Variants in SLC12A6 observed in about 807,000 individuals in gnomAD.
SLC12A6 encodes the protein solute carrier family 12 member 6.
Under a neutral mutation model 135.3 loss-of-function variants are expected in SLC12A6, and 66 were observed. The observed-to-expected ratio is 0.49, with a 90% CI of 0.40 to 0.60. The LOEUF is 0.60. SLC12A6 is among the 20% of genes least tolerant of loss of function. SLC12A6 has a pLI of 0.00. For synonymous variants in SLC12A6, 513 were observed against 508.8 expected, an observed-to-expected ratio of 1.01 and a Z score of -0.11; for missense variants, 1,058 against 1,452.3, an observed-to-expected ratio of 0.73 and a Z score of 4.41.
chr15:34,285,702 GTGTGTGTGTGTT>G (rs1475085829), intron 2 of SLC12A6, among the ~76,000 whole-genome samples: 1 of 834 alleles, frequency 1.2e-3, no homozygotes, highest in Non-Finnish European at 2.1e-3. Context: ...ATGTGTGTGT[GTGTGTGTGTGTT>G]TGTCATACAT....
At chr15:34,241,753 G>A (rs1367954254) in intron 17 of SLC12A6, among the ~76,000 whole-genome samples, 1 of 152,226 alleles carries the variant, frequency 6.6e-6, no homozygotes, top group Admixed American at 6.5e-5. Flanking sequence ...GTAAGTCTTA[G>A]TAGTTACTAA....
At chr15:34,271,311 G>C (rs908733151) in intron 3 of SLC12A6, among the ~76,000 whole-genome samples, 3 of 151,548 alleles carry the variant, frequency 2.0e-5, no homozygotes, top group Admixed American at 1.3e-4. Context: ...TATGTTGCCC[G>C]ATTCAGATTG....
chr15:34,322,687 TTCA>T (rs892005957), intron 2 of SLC12A6, among the ~76,000 whole-genome samples: 1 of 151,620 alleles, frequency 6.6e-6, no homozygotes, highest in Non-Finnish European at 1.5e-5. Flanking sequence ...CTTGAAAATT[TTCA>T]TAATAGGCTG....
rs1566821348 is a variant in SLC12A6, at chr15:34,260,988, GAT to G, written c.347_348del (p.Tyr116SerfsTer3). The G allele has an allele frequency of 6.3e-7, 1 of 1,579,198 alleles. No individual in the cohort carries two copies. Among genetic ancestry groups the G allele is most frequent in the African/African-American group, 1.3e-5 (1 of 74,300 alleles). ...CCTTCTTCATAATTGGAATTATTGAGATAAGCATTTCGAGCTTTCTTATGTCC... is the reference window on the plus strand; with the variant it reads ...CCTTCTTCATAATTGGAATTATTGAGAAGCATTTCGAGCTTTCTTATGTCC... ...DDGHKKARNAYLNNSNYEEGD... is the reference protein window; with the variant it reads ...DDGHKKARNAXLNNSNYEEGD... On this transcript the variant is annotated frameshift_variant, in exon 4 of 26. Coordinates refer to ENST00000354181, the MANE Select transcript of SLC12A6 (RefSeq NM_001365088.1). LOFTEE classifies it high-confidence loss of function.
chr15:34,279,399 T>C lies in SLC12A6; in HGVS notation c.272-4010A>G, dbSNP rs59297691. ...GTCAATCTGGGAGTATATAGGCCCGTGAACCCACTAGAATGAAACTAGTTT... is the reference window on the plus strand; with the variant it reads ...GTCAATCTGGGAGTATATAGGCCCGCGAACCCACTAGAATGAAACTAGTTT... On this transcript the variant is annotated intron_variant, in intron 2 of 25. Coordinates refer to ENST00000354181, the MANE Select transcript of SLC12A6 (RefSeq NM_001365088.1). 2.1e-3 allele frequency among the ~76,000 whole-genome samples: 319 copies of C among 152,258 alleles called. 3 individuals carry two copies. The highest frequency in any genetic ancestry group is 7.3e-3 in the African/African-American group (304 of 41,560).
intron 19 of SLC12A6, 46 bp from the exon 20 acceptor site, chr15:34,239,206 C>T (rs778509266): frequency 3.7e-6 from 5 of 1,339,218 alleles, no homozygotes; most frequent in Non-Finnish European, 5.4e-6. Context: ...TCACTCTGGA[C>T]ATTTTAACCC....
At chr15:34,333,288 G>A (rs8031958) in intron 2 of SLC12A6, among the ~76,000 whole-genome samples, 23,714 of 148,148 alleles carry the variant, frequency 0.16, 2,086 homozygotes, top group East Asian at 0.31. Context: ...GGAGTGCAGC[G>A]GCGTGATCTC....
intron 3 of SLC12A6, among the ~76,000 whole-genome samples, chr15:34,269,718 C>CT (rs1893780400): frequency 6.6e-6 from 1 of 151,554 alleles, no homozygotes; most frequent in Non-Finnish European, 1.5e-5. Flanking sequence ...GTTTAACATG[C>CT]TCTTTTTTTT....
intron 2 of SLC12A6, among the ~76,000 whole-genome samples, chr15:34,287,429 C>T (rs1301057852): frequency 6.6e-6 from 1 of 152,136 alleles, no homozygotes; most frequent in Non-Finnish European, 1.5e-5. Context: ...GTGAATAGTG[C>T]CGCAATAAAC....
intron 2 of SLC12A6, among the ~76,000 whole-genome samples, chr15:34,317,401 C>T (rs564616168): frequency 2.4e-4 from 37 of 152,182 alleles, no homozygotes; most frequent in East Asian, 9.6e-4. Flanking sequence ...CACAGAATCA[C>T]GGAATTAAAA....
chr15:34,327,321 G>C (rs1422134912), intron 2 of SLC12A6, among the ~76,000 whole-genome samples: 2 of 152,066 alleles, frequency 1.3e-5, no homozygotes, highest in Non-Finnish European at 2.9e-5. Flanking sequence ...TCTTTTGTTT[G>C]CATCTTAGGA....
At chr15:34,284,446 G>T (rs1009529101) in intron 2 of SLC12A6, among the ~76,000 whole-genome samples, 5 of 151,326 alleles carry the variant, frequency 3.3e-5, no homozygotes, top group Admixed American at 3.3e-4. Context: ...GCTAATTTTT[G>T]TATTTTTAGT....
intron 2 of SLC12A6, among the ~76,000 whole-genome samples, chr15:34,283,740 C>T (rs144256102): frequency 1.1e-4 from 17 of 150,600 alleles, no homozygotes; most frequent in East Asian, 9.7e-4. Context: ...TGACGTAAAA[C>T]GACTGAAAGG....
chr15:34,271,075 G>T (rs1472225329), intron 3 of SLC12A6, among the ~76,000 whole-genome samples: 1 of 152,082 alleles, frequency 6.6e-6, no homozygotes, highest in Non-Finnish European at 1.5e-5. Flanking sequence ...CCCACAAAAC[G>T]TGAGGATTAT....
chr15:34,273,883 T>G (rs192346297), intron 3 of SLC12A6, among the ~76,000 whole-genome samples: 18 of 138,582 alleles, frequency 1.3e-4, no homozygotes, highest in East Asian at 2.2e-4. Flanking sequence ...ATAATACCTG[T>G]TTTTTTTTTT....
intron 3 of SLC12A6, among the ~76,000 whole-genome samples, chr15:34,271,169 TATTAAG>T (rs1310227999): frequency 6.6e-6 from 1 of 152,198 alleles, no homozygotes; most frequent in African/African-American, 2.4e-5. Flanking sequence ...TTTCAACCTC[TATTAAG>T]ATTATTATAC....
chr15:34,251,097 GA>G (rs11382535), intron 10 of SLC12A6, 40 bp from the exon 11 acceptor site: 116 of 954,796 alleles, frequency 1.2e-4, no homozygotes, highest in Middle Eastern at 2.2e-4. Context: ...GCAGCAGTAT[GA>G]AAAAAAAAAG....
At chr15:34,310,362 A>C (rs1181700317) in intron 2 of SLC12A6, among the ~76,000 whole-genome samples, 1 of 68,830 alleles carries the variant, frequency 1.5e-5, no homozygotes, top group Non-Finnish European at 2.8e-5. Flanking sequence ...TCCTGGGCTC[A>C]AGTGTGTGTG....
Position 34,326,858 on chromosome 15 carries a change from C to CTTTTTTT in SLC12A6, c.271+9545_271+9551dup, listed in dbSNP as rs397963192. Among the ~76,000 whole-genome samples the CTTTTTTT allele has an allele frequency of 9.7e-5, 7 of 72,172 alleles. 1 individual carries two copies. Among genetic ancestry groups the CTTTTTTT allele is most frequent in the African/African-American group, 4.2e-4 (5 of 11,860 alleles). 47.3% of individuals were successfully genotyped at this position (72,172 alleles called of 152,430 possible). On this transcript the variant is annotated intron_variant, in intron 2 of 25. Transcript: ENST00000354181. Reference sequence around the variant, plus strand: ...AGGTGCACACCACCACAACTGGCTGCTTTTTTTTTTTTTTTTTTTTTTTTT... The same window carrying CTTTTTTT: ...AGGTGCACACCACCACAACTGGCTGCTTTTTTTTTTTTTTTTTTTTTTTTTTTTTTTT...
Sources: gnomAD v4.1 joint callset for allele counts (sites outside exome capture counted in the v4.1 genomes callset) on GRCh38, gnomAD v4.1.1 for gene constraint, MANE v1.5 for transcripts, NCBI Gene and HGNC (gene_info 2026-07-23, HGNC 2026-07-21) for gene names.